DLG2: variants seen among roughly 807,000 people sequenced by gnomAD.
DLG2 encodes the protein disks large homolog 2.
Under a neutral mutation model 132.5 loss-of-function variants are expected in DLG2, and 45 were observed. That is an observed-to-expected ratio of 0.34 (90% CI 0.27 to 0.44). The LOEUF is 0.44. Among genes scored for constraint, DLG2 ranks in the 20% least tolerant of loss-of-function variants. The pLI is 1.00. For missense variants in DLG2, 1,045 were observed against 1,196.9 expected, an observed-to-expected ratio of 0.87 and a Z score of 1.87; for synonymous variants, 424 against 419.6, an observed-to-expected ratio of 1.01 and a Z score of -0.13.
At chr11:85,526,508 C>T (rs780915943) in intron 3 of DLG2, among the ~76,000 whole-genome samples, 7 of 152,056 alleles carry the variant, frequency 4.6e-5, no homozygotes, top group Admixed American at 4.6e-4. Context: ...ACTGCAGAAC[C>T]ACACAATAAG....
At chr11:83,921,554 TCAGTGGTTTTAATTAA>T (rs1702640784) in intron 15 of DLG2, among the ~76,000 whole-genome samples, 2 of 152,180 alleles carry the variant, frequency 1.3e-5, no homozygotes, top group Non-Finnish European at 2.9e-5. Flanking sequence ...CCAATACACA[TCAGTGGTTTTAATTAA>T]TATCTACGCA....
intron 3 of DLG2, among the ~76,000 whole-genome samples, chr11:85,574,184 ATAT>A (rs1485151385): frequency 5.3e-5 from 8 of 152,088 alleles, no homozygotes; most frequent in African/African-American, 1.9e-4. Context: ...AAAATTTTTC[ATAT>A]TATTGCGCAT....
At chr11:84,889,178 C>T (rs1379126618) in intron 6 of DLG2, among the ~76,000 whole-genome samples, 1 of 151,922 alleles carries the variant, frequency 6.6e-6, no homozygotes, top group Non-Finnish European at 1.5e-5. Flanking sequence ...GACAAACGGA[C>T]AAAGAAATAT....
intron 4 of DLG2, among the ~76,000 whole-genome samples, chr11:85,243,760 G>A (rs1175531860): frequency 6.6e-6 from 1 of 151,956 alleles, no homozygotes; most frequent in Non-Finnish European, 1.5e-5. Flanking sequence ...CTCTAGTTCT[G>A]CCACAAACCA....
intron 6 of DLG2, among the ~76,000 whole-genome samples, chr11:84,914,000 C>T (rs901643826): frequency 1.3e-5 from 2 of 152,068 alleles, no homozygotes; most frequent in African/African-American, 2.4e-5. Flanking sequence ...CTCCTTTGGG[C>T]CAGTTTCCTC....
intron 4 of DLG2, among the ~76,000 whole-genome samples, chr11:85,198,357 G>C (rs2081213536): frequency 1.3e-5 from 2 of 152,060 alleles, no homozygotes; most frequent in Admixed American, 1.3e-4. Context: ...TGAAAATTAT[G>C]AAAATTCTCC....
chr11:83,765,030 A>C (rs2094083614), intron 18 of DLG2, among the ~76,000 whole-genome samples: 1 of 152,180 alleles, frequency 6.6e-6, no homozygotes, highest in Non-Finnish European at 1.5e-5. Context: ...CTTTACTTAA[A>C]ATTACATGTT....
intron 8 of DLG2, among the ~76,000 whole-genome samples, chr11:84,220,793 T>A (rs2096903496): frequency 7.2e-6 from 1 of 139,578 alleles, no homozygotes; most frequent in African/African-American, 2.7e-5. Context: ...TTTTTTTTTT[T>A]TTTTTTTTGA....
chr11:83,665,436 A>G (rs985880319), intron 18 of DLG2, among the ~76,000 whole-genome samples: 1 of 152,234 alleles, frequency 6.6e-6, no homozygotes, highest in Admixed American at 6.5e-5. Context: ...CAACTACAAC[A>G]TAGTGTCACA....
intron 6 of DLG2, among the ~76,000 whole-genome samples, chr11:84,641,063 T>A (rs2099662021): frequency 6.6e-6 from 1 of 152,196 alleles, no homozygotes; most frequent in Non-Finnish European, 1.5e-5. Flanking sequence ...GAAACTGATC[T>A]GGGGAACCAG....
chr11:83,892,025 A>AGAGGGTACATGTACCATTGTACC (rs1487524948), intron 15 of DLG2, among the ~76,000 whole-genome samples: 1 of 152,116 alleles, frequency 6.6e-6, no homozygotes, highest in East Asian at 1.9e-4. Flanking sequence ...TCATTGTACC[A>AGAGGGTACATGTACCATTGTACC]ATAGGTAACA....
At chr11:84,942,078 C>T (rs547730481) in intron 6 of DLG2, among the ~76,000 whole-genome samples, 5 of 152,140 alleles carry the variant, frequency 3.3e-5, no homozygotes, top group Admixed American at 1.3e-4. Flanking sequence ...CTTTGAACTT[C>T]GGTGGTATCA....
chr11:85,517,267 T>G (rs2094187800), intron 3 of DLG2, among the ~76,000 whole-genome samples: 2 of 151,956 alleles, frequency 1.3e-5, no homozygotes, highest in Admixed American at 1.3e-4. Flanking sequence ...AAGATAGGCA[T>G]AGAAGAAACA....
chr11:85,154,356 A>C (rs2152459215), intron 5 of DLG2, among the ~76,000 whole-genome samples, 200 bp downstream of exon 5: 1 of 152,276 alleles, frequency 6.6e-6, no homozygotes, highest in Non-Finnish European at 1.5e-5. Flanking sequence ...CCCAAAATAA[A>C]ACACACACAA....
At chr11:84,050,576 G>A (rs1388995493) in intron 11 of DLG2, among the ~76,000 whole-genome samples, 2 of 151,956 alleles carry the variant, frequency 1.3e-5, no homozygotes, top group Non-Finnish European at 2.9e-5. Flanking sequence ...TGGTGGTTTA[G>A]ACATGAAGTC....
At chr11:84,894,311 A>C (rs1408099969) in intron 6 of DLG2, among the ~76,000 whole-genome samples, 1 of 152,142 alleles carries the variant, frequency 6.6e-6, no homozygotes, top group Non-Finnish European at 1.5e-5. Context: ...CCTTTCACTT[A>C]AATAATTTTC....
At chr11:85,099,230 A>G (rs951184968) in intron 6 of DLG2, among the ~76,000 whole-genome samples, 1 of 152,202 alleles carries the variant, frequency 6.6e-6, no homozygotes, top group Non-Finnish European at 1.5e-5. Flanking sequence ...AGCTGGCTGT[A>G]GCTACAGACA....
In DLG2 at chr11:84,298,635, A is replaced by T. The variant is rs112373815; in HGVS notation, c.520-47344T>A. 5.2e-5 allele frequency among the ~76,000 whole-genome samples: 8 copies of T among 152,382 alleles called. 1 individual carries two copies. The highest frequency in any genetic ancestry group is 1.9e-4 in the African/African-American group (8 of 41,588). ...TTGAAACAGACCTGTAAGTAACTAC[A>T]ATGCTAAGTGTAAAGTGGGCATATT... On this transcript the variant is annotated intron_variant, in intron 7 of 27. Coordinates refer to ENST00000376104, the MANE Select transcript of DLG2 (RefSeq NM_001142699.3).
intron 3 of DLG2, among the ~76,000 whole-genome samples, chr11:85,409,073 C>T (rs1229754620): frequency 6.6e-6 from 1 of 151,844 alleles, no homozygotes; most frequent in Non-Finnish European, 1.5e-5. Context: ...ATGGATTGCT[C>T]CAAGTTGCAT....
Sources: allele counts gnomAD v4.1 joint callset (sites outside exome capture counted in the v4.1 genomes callset), GRCh38; gene constraint gnomAD v4.1.1; transcripts MANE v1.5; gene names NCBI Gene and HGNC (gene_info 2026-07-23, HGNC 2026-07-21).